Variants in C8orf34 observed in about 807,000 individuals in gnomAD.
C8orf34 encodes the protein uncharacterized protein C8orf34.
In C8orf34, 65 loss-of-function variants were observed where a neutral mutation model predicts 68.3. That is an observed-to-expected ratio of 0.95 (90% confidence interval 0.78 to 1.17). The LOEUF is 1.17. Ranked by LOEUF, C8orf34 falls within the 50% of genes most tolerant of loss-of-function variation. The pLI is 0.00. For synonymous variants in C8orf34, 244 were observed against 241.2 expected (o/e 1.01, Z -0.11); for missense variants, 664 against 655.4 (o/e 1.01, Z -0.14).
intron 8 of C8orf34, among the ~76,000 whole-genome samples, chr8:68,678,325 T>G (rs1258868685): frequency 6.6e-6 from 1 of 152,130 alleles, no homozygotes; most frequent in Non-Finnish European, 1.5e-5. Flanking sequence ...TGAACATTGA[T>G]GCAAAAATTC....
chr8:68,392,369 G>A (rs1358831756), intron 1 of C8orf34, among the ~76,000 whole-genome samples: 1 of 151,704 alleles, frequency 6.6e-6, no homozygotes, highest in Non-Finnish European at 1.5e-5. Context: ...TATTTACTGG[G>A]AGCATAGAGG....
At chr8:68,678,230 G>A (rs764812174) in intron 8 of C8orf34, among the ~76,000 whole-genome samples, 1 of 152,148 alleles carries the variant, frequency 6.6e-6, no homozygotes, top group Non-Finnish European at 1.5e-5. Flanking sequence ...ATATTACCCT[G>A]AAACCCAAAT....
At chr8:68,803,237 A>G (rs1824384707) in intron 12 of C8orf34, among the ~76,000 whole-genome samples, 1 of 152,142 alleles carries the variant, frequency 6.6e-6, no homozygotes, top group Non-Finnish European at 1.5e-5. Flanking sequence ...ACTTATGAAC[A>G]TAGATATAAA....
chr8:68,554,809 A>G (rs1162481339), intron 7 of C8orf34, among the ~76,000 whole-genome samples: 1 of 152,164 alleles, frequency 6.6e-6, no homozygotes, highest in Non-Finnish European at 1.5e-5. Flanking sequence ...GTGTAACAAA[A>G]CATGGCATGG....
chr8:68,532,950 T>C, intron 6 of C8orf34, 33 bp from the exon 7 acceptor site: 1 of 1,456,652 alleles, frequency 6.9e-7, no homozygotes, highest in Non-Finnish European at 9.4e-7. Flanking sequence ...TCTTTACTTA[T>C]CACAGCTAAT....
intron 12 of C8orf34, among the ~76,000 whole-genome samples, chr8:68,811,853 T>C (rs944068811): frequency 3.9e-5 from 6 of 152,218 alleles, no homozygotes; most frequent in Admixed American, 3.9e-4. Flanking sequence ...ATTTGTTAAA[T>C]ATTTTTTCCC....
chr8:68,695,229 C>G (rs903192683), intron 8 of C8orf34, among the ~76,000 whole-genome samples: 1 of 151,762 alleles, frequency 6.6e-6, no homozygotes, highest in Non-Finnish European at 1.5e-5. Context: ...TCACTGCAAC[C>G]TCTGCCTCCT....
In C8orf34 at chr8:68,381,456, G is replaced by C. The variant is rs183147466; in HGVS notation, c.327+50117G>C. On this transcript the variant is annotated intron_variant, in intron 1 of 13. Coordinates refer to ENST00000518698, the MANE Select transcript of C8orf34 (RefSeq NM_052958.4). ...ATTTAAAATAGGTATATTAAGGCCG[G>C]GCGCGGTGGCTCACGCCTGTAATCC... is the stretch of plus-strand genomic sequence containing the variant. Among the ~76,000 whole-genome samples the C allele has an allele frequency of 3.2e-3, 483 of 152,260 alleles. 5 individuals are homozygous for C. Among genetic ancestry groups the C allele is most frequent in the Non-Finnish European group, 5.9e-3 (399 of 68,024 alleles).
chr8:68,378,326 T>C (rs138107491), intron 1 of C8orf34, among the ~76,000 whole-genome samples: 85 of 152,282 alleles, frequency 5.6e-4, no homozygotes, highest in African/African-American at 2.0e-3. Context: ...TTATTTTATT[T>C]CTTTCTTATT....
At chr8:68,535,312 G>A (rs947851734) in intron 7 of C8orf34, 4 of 981,106 alleles carry the variant, frequency 4.1e-6, no homozygotes, top group Non-Finnish European at 3.6e-6. Flanking sequence ...TTTTGTAGAT[G>A]TGTGTGCTAT....
intron 1 of C8orf34, among the ~76,000 whole-genome samples, chr8:68,374,357 G>A (rs905204575): frequency 4.6e-5 from 7 of 152,008 alleles, no homozygotes; most frequent in African/African-American, 1.7e-4. Flanking sequence ...TTCATATTCA[G>A]CTTCTCCTCT....
At chr8:68,609,659 T>C (rs1057107604) in intron 7 of C8orf34, among the ~76,000 whole-genome samples, 2 of 152,116 alleles carry the variant, frequency 1.3e-5, no homozygotes, top group African/African-American at 2.4e-5. Flanking sequence ...TTGCAGTAGA[T>C]AGAAAAATTG....
chr8:68,674,427 C>A (rs1005370324), intron 8 of C8orf34, among the ~76,000 whole-genome samples: 1 of 151,784 alleles, frequency 6.6e-6, no homozygotes, highest in Non-Finnish European at 1.5e-5. Context: ...AATTTAGAAC[C>A]CTATCAAATA....
intron 7 of C8orf34, among the ~76,000 whole-genome samples, chr8:68,614,168 C>T (rs1335322245): frequency 6.6e-6 from 1 of 151,930 alleles, no homozygotes; most frequent in African/African-American, 2.4e-5. Flanking sequence ...TGTTTGAGTT[C>T]ATTGTAGATT....
chr8:68,531,000 C>T (rs1404589701), intron 6 of C8orf34, among the ~76,000 whole-genome samples: 1 of 152,062 alleles, frequency 6.6e-6, no homozygotes, highest in Admixed American at 6.6e-5. Flanking sequence ...CCTGTATTCA[C>T]CAATGAACAT....
At chr8:68,442,190 G>T (rs1271353916) in intron 2 of C8orf34, among the ~76,000 whole-genome samples, 4 of 152,036 alleles carry the variant, frequency 2.6e-5, no homozygotes, top group Non-Finnish European at 1.5e-5. Flanking sequence ...ACAAGTGGTT[G>T]GGGGGTCAGA....
At chr8:68,469,901 A>C (rs1812308648) in intron 4 of C8orf34, among the ~76,000 whole-genome samples, 2 of 150,236 alleles carry the variant, frequency 1.3e-5, no homozygotes, top group South Asian at 2.1e-4. Flanking sequence ...TATATATGTA[A>C]TTATAATTAT....
chr8:68,589,431 AAAG>A (rs1817302643), intron 7 of C8orf34, among the ~76,000 whole-genome samples: 1 of 141,978 alleles, frequency 7.0e-6, no homozygotes, highest in African/African-American at 2.8e-5. Context: ...AGAGAAAATA[AAAG>A]AAGGAAGGGG....
At chr8:68,723,669 G>GT in intron 10 of C8orf34, among the ~76,000 whole-genome samples, 1 of 152,112 alleles carries the variant, frequency 6.6e-6, no homozygotes, top group South Asian at 2.1e-4. Flanking sequence ...TTTATCAGCT[G>GT]TGAATTCCAC....
Sources: allele counts gnomAD v4.1 joint callset (sites outside exome capture counted in the v4.1 genomes callset), GRCh38; gene constraint gnomAD v4.1.1; transcripts MANE v1.5; gene names NCBI Gene and HGNC (gene_info 2026-07-23, HGNC 2026-07-21).